IGF2R: variants seen among roughly 807,000 people sequenced by gnomAD.
IGF2R encodes cation-independent mannose-6-phosphate receptor.
IGF2R carries 91 observed loss-of-function variants against 270.6 expected under a neutral mutation model. The observed-to-expected ratio is 0.34, with a 90% CI of 0.28 to 0.40. The LOEUF (loss-of-function observed/expected upper bound fraction) is 0.40, where lower values mean the gene tolerates loss of function less well. Among genes scored for constraint, IGF2R ranks in the 10% least tolerant of loss-of-function variants. The probability of loss-of-function intolerance (pLI) is 1.00; values close to 1 mark genes in which losing one functional copy is unlikely to be tolerated. For synonymous variants in IGF2R, 1,316 were observed against 1,258.9 expected, an observed-to-expected ratio of 1.05 and a Z score of -0.96; for missense variants, 2,805 against 3,188.3, an observed-to-expected ratio of 0.88 and a Z score of 2.90.
At position 160,029,571 on chromosome 6, in the gene IGF2R, G is replaced by T. The variant is rs761885816; in HGVS notation, c.798G>T (p.Arg266Ser). The change falls in exon 7 of 48, where the codon AGG becomes AGT. Residue 266 changes from arginine (R) to serine (S), a missense_variant. By Grantham distance (110) the Arg-to-Ser change is moderately radical. Around this residue, in one of 2 missense-constraint regions of IGF2R, gnomAD observed 954 missense variants for 981.1 expected, o/e 0.97. Transcript: ENST00000356956. ...RKDRLVLSYV[R>S]EEAGKLDFCD... The stretch of plus-strand genomic sequence containing the variant: ...CCAGGCTTGTCCTGAGTTACGTGAG[G>T]GAAGAGGCAGGAAAGCTAGACTTTT... The T allele has an allele frequency of 6.2e-7, 1 of 1,613,732 alleles. No individual in the cohort carries two copies. Among genetic ancestry groups the T allele is most frequent in the South Asian group, 1.1e-5 (1 of 91,064 alleles).
chr6:160,068,063 GGGGTGTGTGTGTGTGTGTGTGTGTGTGT>G (rs1361250059), intron 29 of IGF2R, among the ~76,000 whole-genome samples, 158 bp from the exon 30 acceptor site: 2 of 95,200 alleles, frequency 2.1e-5, no homozygotes, highest in East Asian at 6.2e-4. Flanking sequence ...ATTCTGATGG[GGGGTGTGTGTGTGTGTGTGTGTGTGTGT>G]GTGTGTGTGT....
At chr6:160,060,125 T>A (rs998799555) in intron 22 of IGF2R, among the ~76,000 whole-genome samples, 1 of 152,006 alleles carries the variant, frequency 6.6e-6, no homozygotes, top group East Asian at 1.9e-4. Flanking sequence ...AGGCCACCGT[T>A]GCAGTGAGTG....
chr6:160,018,384 A>T (rs191818863), intron 4 of IGF2R, among the ~76,000 whole-genome samples: 1 of 152,310 alleles, frequency 6.6e-6, no homozygotes, highest in Admixed American at 6.5e-5. Flanking sequence ...TCAGAAAAGA[A>T]ATGGACAGCA....
intron 2 of IGF2R, among the ~76,000 whole-genome samples, chr6:159,993,559 A>G (rs1224015193): frequency 6.6e-6 from 1 of 152,060 alleles, no homozygotes. Context: ...TGGGTTCTCT[A>G]TTCTGTTCCA....
At chr6:160,091,542 T>A (rs551066788) in intron 44 of IGF2R, among the ~76,000 whole-genome samples, 2 of 152,202 alleles carry the variant, frequency 1.3e-5, no homozygotes, top group Non-Finnish European at 2.9e-5. Context: ...TGAATAGAAC[T>A]GGGAAAGTGA....
At chr6:160,034,592 C>T (rs568232581) in intron 10 of IGF2R, 70 bp downstream of exon 10, 16 of 1,024,770 alleles carry the variant, frequency 1.6e-5, no homozygotes, top group African/African-American at 1.3e-4. Flanking sequence ...TGTGCACAGG[C>T]GTGTTCTTGG....
rs771021737 is a variant in IGF2R, at chr6:160,078,335, G to A, written c.5451G>A (p.Leu1817=). 2.5e-6 allele frequency: 4 copies of A among 1,614,074 alleles called. No individual in the cohort carries two copies. The highest frequency in any genetic ancestry group is 2.2e-5 in the South Asian group (2 of 91,092). ...AGCAGCTCCTCTACAGCTTCAACTT[G>A]TCCAGCCTTTCCACGAGCACCTTTA... ...TDEQLLYSFN[L]SSLSTSTFKV... The change falls in exon 37 of 48, where the codon TTG becomes TTA. Residue 1817 remains leucine, a synonymous_variant. Transcript: ENST00000356956.
rs556689568 is a variant in IGF2R at position 160,034,859 on chromosome 6, G to A, written c.1315+337G>A. ...CAGCAAGGACAGATTCGGCAGGGGC[G>A]GGATGGCTTGTCAATTTTGATTGAG... is the stretch of plus-strand genomic sequence containing the variant. On this transcript the variant is annotated intron_variant, in intron 10 of 47. Transcript: ENST00000356956. 4.3e-4 allele frequency among the ~76,000 whole-genome samples: 66 copies of A among 152,294 alleles called. 3 individuals carry two copies. In the South Asian group the frequency reaches 0.013, roughly 31 times the overall value.
rs1422442469 is a variant in IGF2R, at chr6:160,110,888, A to C, written c.*5804A>C. On this transcript the variant is annotated 3_prime_UTR_variant, in exon 48 of 48. Coordinates refer to ENST00000356956, the MANE Select transcript of IGF2R (RefSeq NM_000876.4). ...AAAAAGGTTGGACTCAGAAGCAGAG[A>C]GTGGAATGGTGGTTACCAAAGGCCA... The C allele has an allele frequency of 6.6e-6, 1 of 152,264 alleles. No individual in the cohort carries two copies. Among genetic ancestry groups the C allele is most frequent in the African/African-American group, 2.4e-5 (1 of 41,456 alleles). The allele number at this position is 152,264 out of a possible 1,614,324, so 9.4% of individuals were successfully genotyped here. A position where few individuals can be genotyped will look rare whatever the true frequency, so the allele number is the denominator to read the frequency against.
chr6:160,059,289 G>A (rs529578465), intron 22 of IGF2R, among the ~76,000 whole-genome samples, 191 bp downstream of exon 22: 5 of 151,106 alleles, frequency 3.3e-5, no homozygotes, highest in East Asian at 1.9e-4. Context: ...CCCGTTATCC[G>A]TGGCTTCACT....
rs1778785378 is a variant in IGF2R, at chr6:160,073,331, C to T, written c.4809C>T (p.Gly1603=). The change falls in exon 34 of 48, where the codon GGC becomes GGT. Residue 1603 remains glycine (G), a synonymous_variant. Coordinates refer to ENST00000356956, the MANE Select transcript of IGF2R (RefSeq NM_000876.4). The part of the protein sequence containing the change: ...KDGSPCPSKS[G]LSYKSVISFV... The stretch of plus-strand genomic sequence containing the variant: ...GGTCCCCTTGTCCCTCCAAATCCGG[C>T]CTGAGCTATAAGAGTGTGATCAGTT... 10 of 1,614,258 alleles carry T rather than the reference C, an allele frequency of 6.2e-6. No homozygotes were observed. Among genetic ancestry groups the T allele is most frequent in the Non-Finnish European group, 7.6e-6 (9 of 1,180,042 alleles).
intron 1 of IGF2R, among the ~76,000 whole-genome samples, chr6:159,987,200 A>G (rs538147811): frequency 2.0e-5 from 3 of 152,338 alleles, no homozygotes; most frequent in Admixed American, 2.0e-4. Flanking sequence ...AGTTATTTAT[A>G]CGATTTTCAA....
At chr6:159,994,432 G>A (rs1784022512) in intron 2 of IGF2R, among the ~76,000 whole-genome samples, 1 of 151,462 alleles carries the variant, frequency 6.6e-6, no homozygotes, top group African/African-American at 2.4e-5. Flanking sequence ...ATTTTTTGGG[G>A]GGGGTCTCAA....
intron 25 of IGF2R, 114 bp from the exon 26 acceptor site, chr6:160,062,418 C>A: frequency 1.3e-6 from 1 of 743,266 alleles, no homozygotes; most frequent in Non-Finnish European, 2.4e-6. Flanking sequence ...GTGATCCACC[C>A]GTCTCGGCCT....
chr6:160,077,675 A>G (rs1355479320), intron 36 of IGF2R, among the ~76,000 whole-genome samples: 2 of 152,248 alleles, frequency 1.3e-5, no homozygotes, highest in African/African-American at 4.8e-5. Flanking sequence ...ATAGGGAAAA[A>G]GATGCTTAAC....
In IGF2R at chr6:160,070,059, G is replaced by T. The variant is rs1395382649; in HGVS notation, c.4443+1G>T. On this transcript the variant is annotated splice_donor_variant, in intron 31 of 47. Coordinates refer to ENST00000356956, the MANE Select transcript of IGF2R (RefSeq NM_000876.4). LOFTEE classifies it high-confidence loss of function. ...ATTCACCTGCAGCGAGAGCCAAGTGGTAAGGGACTGTTCCTGCACCTTCTG... is the reference window on the plus strand; with the variant it reads ...ATTCACCTGCAGCGAGAGCCAAGTGTTAAGGGACTGTTCCTGCACCTTCTG... 6.2e-7 allele frequency: 1 copy of T among 1,613,846 alleles called. No homozygotes were observed.
intron 2 of IGF2R, among the ~76,000 whole-genome samples, chr6:159,993,494 T>G (rs933952520): frequency 3.3e-5 from 5 of 152,208 alleles, no homozygotes; most frequent in African/African-American, 1.2e-4. Context: ...GCCAGTGTTA[T>G]GTTTTTGTCA....
At chr6:160,059,768 A>C (rs1778394670) in intron 22 of IGF2R, among the ~76,000 whole-genome samples, 1 of 152,150 alleles carries the variant, frequency 6.6e-6, no homozygotes, top group Non-Finnish European at 1.5e-5. Flanking sequence ...CCTGTTTCTG[A>C]TATAAACAAA....
rs1431831711 is a variant in IGF2R, at chr6:160,010,626, A to G, written c.415-61A>G. The G allele has an allele frequency of 7.5e-6, 8 of 1,068,566 alleles. No homozygotes were observed. In the African/African-American group the frequency reaches 7.9e-5, roughly 11 times the overall value. 66.2% of individuals were successfully genotyped at this position (1,068,566 alleles called of 1,614,324 possible). A position where few individuals can be genotyped will look rare whatever the true frequency, so the allele number is the denominator to read the frequency against. On this transcript the variant is annotated intron_variant, in intron 3 of 47. Transcript: ENST00000356956. ...GTAGCCTTTACTGCATTCTCATTTT[A>G]AAGAAGAATCTTTACAATGTGTGGT...
Sources: allele counts gnomAD v4.1 joint callset (sites outside exome capture counted in the v4.1 genomes callset), GRCh38; gene constraint gnomAD v4.1.1; regional missense constraint gnomAD v4.1.1; transcripts MANE v1.5; gene names NCBI Gene and HGNC (gene_info 2026-07-23, HGNC 2026-07-21).